Variants in PCED1B observed in about 807,000 individuals in gnomAD.
PCED1B encodes PC-esterase domain containing 1B, also known as PC-esterase domain-containing protein 1B.
For synonymous variants in PCED1B, 251 were observed against 246.1 expected (o/e 1.02, Z -0.19); for missense variants, 573 against 573.9 (o/e 1.00, Z 0.02).
intron 2 of PCED1B, among the ~76,000 whole-genome samples, chr12:47,118,734 A>C (rs1020342204): frequency 6.6e-6 from 1 of 152,264 alleles, no homozygotes; most frequent in East Asian, 1.9e-4. Flanking sequence ...GAAGAAAGTC[A>C]TTGGTAGCTT....
chr12:47,210,623 G>C (rs1943047505), intron 2 of PCED1B: 1 of 152,142 alleles, frequency 6.6e-6, no homozygotes, highest in Non-Finnish European at 1.5e-5. Context: ...AAATTGGCTG[G>C]GCATGGTGGT....
intron 2 of PCED1B, among the ~76,000 whole-genome samples, chr12:47,128,391 C>G (rs927088765): frequency 6.6e-6 from 1 of 152,130 alleles, no homozygotes; most frequent in African/African-American, 2.4e-5. Flanking sequence ...ACTCTTCAGC[C>G]TCACTCTGGG....
At chr12:47,170,504 C>T (rs1053703421) in intron 2 of PCED1B, among the ~76,000 whole-genome samples, 4 of 144,756 alleles carry the variant, frequency 2.8e-5, no homozygotes, top group South Asian at 2.3e-4. Context: ...GATGGGGCGG[C>T]GGCCGGGCGG....
Position 47,201,069 on chromosome 12 carries a change from C to T in PCED1B, c.-525-15153C>T, listed in dbSNP as rs184146656. 3.9e-5 allele frequency among the ~76,000 whole-genome samples: 6 copies of T among 152,238 alleles called. No individual in the cohort carries two copies. The East Asian group carries it at 9.6e-4, about 24-fold the overall frequency. On this transcript the variant is annotated intron_variant, in intron 2 of 3. Coordinates refer to ENST00000546455, the MANE Select transcript of PCED1B (RefSeq NM_138371.3). The stretch of plus-strand genomic sequence containing the variant: ...CTTTATTTAGCCGGCGGCCAAGAGA[C>T]GGCTAACGCTCCAAATTCTCTCGGC...
At chr12:47,095,725 A>G (rs7134841) in intron 1 of PCED1B, among the ~76,000 whole-genome samples, 13,736 of 152,104 alleles carry the variant, frequency 0.09, 1,350 homozygotes, top group African/African-American at 0.24. Flanking sequence ...AATTTCAAAT[A>G]TTTTTTCAGT....
At chr12:47,157,921 T>C (rs1218553685) in intron 2 of PCED1B, among the ~76,000 whole-genome samples, 1 of 152,240 alleles carries the variant, frequency 6.6e-6, no homozygotes, top group Non-Finnish European at 1.5e-5. Flanking sequence ...TGGCTTGTTT[T>C]ACTTAACACA....
chr12:47,114,765 G>A (rs534613461), intron 2 of PCED1B, among the ~76,000 whole-genome samples: 23 of 152,316 alleles, frequency 1.5e-4, no homozygotes, highest in African/African-American at 5.5e-4. Context: ...CTCAGAGTAA[G>A]CCTTGAAGAG....
chr12:47,203,433 GC>G (rs1303541649), intron 2 of PCED1B, among the ~76,000 whole-genome samples: 1 of 152,100 alleles, frequency 6.6e-6, no homozygotes, highest in Non-Finnish European at 1.5e-5. Context: ...GCATCCACTA[GC>G]AATTCTTCCT....
chr12:47,221,232 C>T (rs1449026907), intron 3 of PCED1B, among the ~76,000 whole-genome samples: 2 of 151,872 alleles, frequency 1.3e-5, no homozygotes, highest in Non-Finnish European at 2.9e-5. Context: ...TGACATTGAT[C>T]ACTGTGCTCA....
intron 2 of PCED1B, among the ~76,000 whole-genome samples, chr12:47,123,998 G>C (rs1344615971): frequency 6.6e-6 from 1 of 151,712 alleles, no homozygotes. Flanking sequence ...GAACATCTTT[G>C]TACTTACATT....
intron 3 of PCED1B, among the ~76,000 whole-genome samples, chr12:47,220,068 CAAAAAAA>C (rs763940625): frequency 9.2e-4 from 95 of 103,740 alleles, no homozygotes; most frequent in Non-Finnish European, 1.5e-3. Flanking sequence ...GACACTGCCT[CAAAAAAA>C]AAAAAAAAAA....
intron 1 of PCED1B, among the ~76,000 whole-genome samples, chr12:47,095,071 ATTTTT>A (rs34778482): frequency 8.8e-6 from 1 of 113,828 alleles, no homozygotes; most frequent in African/African-American, 3.5e-5. Flanking sequence ...TGTGCCCACA[ATTTTT>A]TTTTTTTTTT....
At chr12:47,203,511 G>A (rs1942829717) in intron 2 of PCED1B, among the ~76,000 whole-genome samples, 1 of 151,998 alleles carries the variant, frequency 6.6e-6, no homozygotes, top group South Asian at 2.1e-4. Context: ...CCTACCCTTG[G>A]TGTCCATGTG....
In PCED1B at chr12:47,236,296, C is replaced by T; in HGVS notation, c.1233C>T (p.Pro411=). Residue 411 remains proline, a synonymous_variant, in exon 4 of 4, where the codon CCC becomes CCT. Coordinates refer to ENST00000546455, the MANE Select transcript of PCED1B (RefSeq NM_138371.3). ...GRYRPRGPYT[P]WGQRPRPSKR... ...ATCGTCCCCGTGGCCCCTATACGCC[C>T]TGGGGACAGCGGCCTCGACCTTCAA... The T allele has an allele frequency of 6.2e-7, 1 of 1,614,042 alleles. No individual in the cohort carries two copies. Among genetic ancestry groups the T allele is most frequent in the Non-Finnish European group, 8.5e-7 (1 of 1,179,972 alleles).
chr12:47,157,507 G>A (rs750060269), intron 2 of PCED1B, among the ~76,000 whole-genome samples: 7 of 152,146 alleles, frequency 4.6e-5, no homozygotes, highest in East Asian at 1.9e-4. Context: ...GGAAGGTCAC[G>A]TGGCTGCAGT....
chr12:47,201,629 C>A (rs542354522), intron 2 of PCED1B, among the ~76,000 whole-genome samples: 1 of 151,298 alleles, frequency 6.6e-6, no homozygotes, highest in Admixed American at 6.6e-5. Flanking sequence ...GACAAGGTCT[C>A]ACTGTATCAT....
chr12:47,208,997 T>A (rs1465096914), intron 2 of PCED1B: 1 of 152,176 alleles, frequency 6.6e-6, no homozygotes, highest in Non-Finnish European at 1.5e-5. Context: ...CTTGACTTTG[T>A]CACAGTGTTT....
At chr12:47,228,155 C>T (rs1322255841) in intron 3 of PCED1B, among the ~76,000 whole-genome samples, 2 of 151,928 alleles carry the variant, frequency 1.3e-5, no homozygotes, top group African/African-American at 2.4e-5. Flanking sequence ...GTGCCTCAGC[C>T]TCCTAAGTAG....
intron 2 of PCED1B, among the ~76,000 whole-genome samples, chr12:47,122,196 G>T (rs1360004997): frequency 6.6e-6 from 1 of 152,134 alleles, no homozygotes; most frequent in South Asian, 2.1e-4. Context: ...TTTAAATTAG[G>T]CGTTCATCTC....
Sources: gnomAD v4.1 joint callset for allele counts (sites outside exome capture counted in the v4.1 genomes callset) on GRCh38, gnomAD v4.1.1 for gene constraint, MANE v1.5 for transcripts, NCBI Gene and HGNC (gene_info 2026-07-23, HGNC 2026-07-21) for gene names.